TBC1D8: variants seen among roughly 807,000 people sequenced by gnomAD.
TBC1D8 encodes TBC1 domain family member 8, also known as BUB2-like protein 1.
A neutral mutation model predicts 118.8 loss-of-function variants in TBC1D8; 65 were observed. The ratio of observed to expected loss-of-function variants is 0.55; its 90% CI spans 0.45 to 0.67. The LOEUF (loss-of-function observed/expected upper bound fraction) is 0.67. Ranked by LOEUF, TBC1D8 falls within the 30% of genes least tolerant of loss-of-function variation. The pLI is 0.00. For missense variants in TBC1D8, 1,376 were observed against 1,471.2 expected, an observed-to-expected ratio of 0.94 and a Z score of 1.06; for synonymous variants, 566 against 595.8, an observed-to-expected ratio of 0.95 and a Z score of 0.73.
At chr2:101,027,592 A>G (rs745477661) in intron 14 of TBC1D8, 141 bp from the exon 15 acceptor site, 49 of 703,800 alleles carry the variant, frequency 7.0e-5, no homozygotes, top group Non-Finnish European at 1.2e-4. Context: ...CTTTTCTGAC[A>G]TAAAGATCAC....
chr2:101,147,679 A>AT (rs1679375599), intron 1 of TBC1D8, among the ~76,000 whole-genome samples: 1 of 151,918 alleles, frequency 6.6e-6, no homozygotes, highest in African/African-American at 2.4e-5. Flanking sequence ...TCTTTTGCTC[A>AT]TTTTTCAATC....
Position 101,105,636 on chromosome 2 carries a change from TC to T in TBC1D8, c.128-15273del, listed in dbSNP as rs1251333344. Reference sequence around the variant, plus strand: ...TATATATATATATAGTTGTCCAACATCTTTTGTCACTAGGAAATTGTAAATT... The same window carrying T: ...TATATATATATATAGTTGTCCAACATTTTTGTCACTAGGAAATTGTAAATT... On this transcript the variant is annotated intron_variant, in intron 1 of 19. Coordinates refer to ENST00000409318, the MANE Select transcript of TBC1D8 (RefSeq NM_001330348.2). 2.0e-5 allele frequency among the ~76,000 whole-genome samples: 3 copies of T among 149,140 alleles called. No homozygotes were observed. The East Asian group carries it at 5.9e-4, about 29-fold the overall frequency.
intron 2 of TBC1D8, among the ~76,000 whole-genome samples, chr2:101,063,637 G>A (rs1467220957): frequency 6.6e-6 from 1 of 152,134 alleles, no homozygotes; most frequent in Non-Finnish European, 1.5e-5. Flanking sequence ...CCAACTGCAT[G>A]TCCGTGACCG....
chr2:101,127,416 T>C (rs1410508108), intron 1 of TBC1D8, among the ~76,000 whole-genome samples: 3 of 151,894 alleles, frequency 2.0e-5, no homozygotes, highest in Non-Finnish European at 4.4e-5. Context: ...AACTCCAGTC[T>C]GGGCTTTTCA....
intron 2 of TBC1D8, among the ~76,000 whole-genome samples, chr2:101,079,369 T>C (rs541498251): frequency 6.6e-6 from 1 of 152,216 alleles, no homozygotes; most frequent in South Asian, 2.1e-4. Flanking sequence ...AATTGGTTTT[T>C]TGTTTTGGAG....
chr2:101,113,322 C>T (rs1430590983), intron 1 of TBC1D8, among the ~76,000 whole-genome samples: 1 of 152,052 alleles, frequency 6.6e-6, no homozygotes, highest in African/African-American at 2.4e-5. Flanking sequence ...GTCCTTCTAG[C>T]CTCTTTCCTT....
intron 2 of TBC1D8, among the ~76,000 whole-genome samples, chr2:101,061,394 G>A (rs1682744911): frequency 2.0e-5 from 3 of 152,132 alleles, no homozygotes; most frequent in Admixed American, 2.0e-4. Flanking sequence ...GTTGTTCTGA[G>A]CGGACACTTA....
At chr2:101,089,684 C>T (rs1262927262) in intron 2 of TBC1D8, among the ~76,000 whole-genome samples, 1 of 152,070 alleles carries the variant, frequency 6.6e-6, no homozygotes, top group South Asian at 2.1e-4. Flanking sequence ...CTCTCAGAAT[C>T]TGCCCACATG....
intron 2 of TBC1D8, among the ~76,000 whole-genome samples, chr2:101,089,758 G>T (rs1169624372): frequency 6.6e-6 from 1 of 152,036 alleles, no homozygotes; most frequent in Non-Finnish European, 1.5e-5. Context: ...ACACCATTAT[G>T]TGTATGCATC....
chr2:101,104,991 C>G (rs1040454548), intron 1 of TBC1D8, among the ~76,000 whole-genome samples: 1 of 148,056 alleles, frequency 6.8e-6, no homozygotes, highest in Admixed American at 6.8e-5. Flanking sequence ...CACCATTGCA[C>G]TCCAGCCTGG....
At chr2:101,054,522 G>T (rs1208586718) in intron 3 of TBC1D8, among the ~76,000 whole-genome samples, 186 bp from the exon 4 acceptor site, 1 of 151,626 alleles carries the variant, frequency 6.6e-6, no homozygotes, top group South Asian at 2.1e-4. Flanking sequence ...CCAGACACAC[G>T]GCTGCAGCAG....
chr2:101,022,710 G>A (rs1409860361), intron 15 of TBC1D8, among the ~76,000 whole-genome samples, 189 bp from the exon 16 acceptor site: 1 of 152,036 alleles, frequency 6.6e-6, no homozygotes, highest in African/African-American at 2.4e-5. Context: ...TTTTTATTAA[G>A]GTTTTTTTCT....
At chr2:101,141,027 G>T (rs1419772657) in intron 1 of TBC1D8, among the ~76,000 whole-genome samples, 1 of 152,030 alleles carries the variant, frequency 6.6e-6, no homozygotes. Flanking sequence ...CTCCCGAAGT[G>T]CTAGGATTAC....
At chr2:101,027,557 C>T in intron 14 of TBC1D8, 106 bp from the exon 15 acceptor site, 1 of 938,752 alleles carries the variant, frequency 1.1e-6, no homozygotes, top group Non-Finnish European at 1.7e-6. Context: ...GGAGCCCATG[C>T]ACCAGCTTCT....
At chr2:101,044,817 C>T (rs1372546597) in intron 5 of TBC1D8, among the ~76,000 whole-genome samples, 1 of 152,162 alleles carries the variant, frequency 6.6e-6, no homozygotes, top group African/African-American at 2.4e-5. Context: ...GGTGCAATCT[C>T]GGCTCACTGA....
intron 1 of TBC1D8, 65 bp downstream of exon 1, chr2:101,151,060 GCC>G: frequency 1.0e-6 from 1 of 968,442 alleles, no homozygotes; most frequent in Non-Finnish European, 1.2e-6. Context: ...GGGACTGGGG[GCC>G]GCGGGCCCGG....
chr2:101,089,097 C>T (rs1675836128), intron 2 of TBC1D8, among the ~76,000 whole-genome samples: 1 of 152,132 alleles, frequency 6.6e-6, no homozygotes, highest in South Asian at 2.1e-4. Context: ...GCCTGTAATC[C>T]CAGCAACTCT....
rs772951152 is a variant in TBC1D8, at chr2:101,007,821, C to A, written c.3468G>T (p.Ter1156TyrextTer26). 3 of 1,612,968 alleles carry A rather than the reference C, an allele frequency of 1.9e-6. No homozygotes were observed. Among genetic ancestry groups the A allele is most frequent in the African/African-American group, 2.7e-5 (2 of 74,854 alleles). ...SQSELKLSNL[*>Y] ...AGTGTGCATAGCAGCTGCTGTCTTG[C>A]TACAAGTTACTCAGCTTAAGTTCAG... The change falls in exon 20 of 20, where the codon TAG becomes TAT. Residue 1156 changes from the stop codon to tyrosine, a stop_lost. Coordinates refer to ENST00000409318, the MANE Select transcript of TBC1D8 (RefSeq NM_001330348.2).
chr2:101,017,526 C>T (rs545709450), intron 17 of TBC1D8, among the ~76,000 whole-genome samples: 1 of 152,280 alleles, frequency 6.6e-6, no homozygotes, highest in East Asian at 1.9e-4. Flanking sequence ...TATGGGACCA[C>T]CATCATACAT....
Sources: gnomAD v4.1 joint callset for allele counts (sites outside exome capture counted in the v4.1 genomes callset) on GRCh38, gnomAD v4.1.1 for gene constraint, MANE v1.5 for transcripts, NCBI Gene and HGNC (gene_info 2026-07-23, HGNC 2026-07-21) for gene names.